BANK1: variants seen among roughly 807,000 people sequenced by gnomAD.
BANK1 encodes B-cell scaffold protein with ankyrin repeats.
A neutral mutation model predicts 94.5 loss-of-function variants in BANK1; 95 were observed. The ratio of observed to expected loss-of-function variants is 1.00; its 90% CI spans 0.85 to 1.19. BANK1 has a LOEUF of 1.19. Ranked by LOEUF, BANK1 falls within the 50% of genes most tolerant of loss-of-function variation. The pLI is 0.00. For synonymous variants in BANK1, 334 were observed against 308.4 expected, an observed-to-expected ratio of 1.08 and a Z score of -0.87; for missense variants, 987 against 932.2, an observed-to-expected ratio of 1.06 and a Z score of -0.77.
At chr4:101,931,538 C>T (rs1723341509) in intron 7 of BANK1, among the ~76,000 whole-genome samples, 1 of 151,480 alleles carries the variant, frequency 6.6e-6, no homozygotes, top group South Asian at 2.1e-4. Context: ...CTCTAGCTTG[C>T]CAGCTGCAGA....
chr4:102,002,136 C>T (rs79719251), intron 7 of BANK1, among the ~76,000 whole-genome samples: 1,866 of 152,320 alleles, frequency 0.012, 43 homozygotes, highest in African/African-American at 0.041. Context: ...TCCTGTAACA[C>T]GACTGCTCCT....
At chr4:101,874,377 C>T (rs1728409667) in intron 5 of BANK1, among the ~76,000 whole-genome samples, 1 of 152,082 alleles carries the variant, frequency 6.6e-6, no homozygotes, top group South Asian at 2.1e-4. Flanking sequence ...CAGTTGTCTC[C>T]CTTAATGAAT....
intron 6 of BANK1, among the ~76,000 whole-genome samples, chr4:101,908,447 A>G (rs1291195152): frequency 6.6e-6 from 1 of 152,236 alleles, no homozygotes; most frequent in Non-Finnish European, 1.5e-5. Flanking sequence ...TAAAACCATA[A>G]AAACCCTAGA....
chr4:101,849,742 C>T (rs556721737), intron 2 of BANK1, among the ~76,000 whole-genome samples: 1 of 152,210 alleles, frequency 6.6e-6, no homozygotes, highest in Non-Finnish European at 1.5e-5. Flanking sequence ...AAAATTAACT[C>T]AAATTGTTAT....
chr4:101,921,821 T>C (rs1229420149), intron 7 of BANK1, among the ~76,000 whole-genome samples: 1 of 151,918 alleles, frequency 6.6e-6, no homozygotes, highest in Non-Finnish European at 1.5e-5. Context: ...TTGTTAATTA[T>C]AAATATTGAT....
At chr4:101,954,353 C>T (rs1288428551) in intron 7 of BANK1, among the ~76,000 whole-genome samples, 1 of 152,124 alleles carries the variant, frequency 6.6e-6, no homozygotes, top group Non-Finnish European at 1.5e-5. Context: ...GGTCAGGAAA[C>T]CTCACTTAGT....
rs557995996 is a variant in BANK1, at chr4:102,034,042, T to C, written c.1900+3777T>C. Among the ~76,000 whole-genome samples, 1,276 of 142,288 alleles carry C rather than the reference T, an allele frequency of 9.0e-3. 15 individuals are homozygous for C. Among genetic ancestry groups the C allele is most frequent in the Middle Eastern group, 0.058 (16 of 276 alleles). 93.3% of individuals were successfully genotyped at this position (142,288 alleles called of 152,430 possible). A position where few individuals can be genotyped will look rare whatever the true frequency, so the allele number is the denominator to read the frequency against. ...TTCCTCACATCTTTCCTTTTTTTTT[T>C]CCCCTAGCTTGGGCAGATCTATTAA... On this transcript the variant is annotated intron_variant, in intron 10 of 16. Coordinates refer to ENST00000322953, the MANE Select transcript of BANK1 (RefSeq NM_017935.5).
chr4:101,921,676 A>G (rs1046156394), intron 7 of BANK1, among the ~76,000 whole-genome samples: 1 of 151,938 alleles, frequency 6.6e-6, no homozygotes, highest in Non-Finnish European at 1.5e-5. Flanking sequence ...TTGGCCAGCT[A>G]TGGAATTGGA....
At chr4:101,833,589 CTT>C (rs1044667275) in intron 2 of BANK1, among the ~76,000 whole-genome samples, 2 of 152,236 alleles carry the variant, frequency 1.3e-5, no homozygotes, top group African/African-American at 4.8e-5. Flanking sequence ...TTTGCCGGCT[CTT>C]TTTTAAAATC....
At chr4:101,846,236 T>C (rs529557783) in intron 2 of BANK1, among the ~76,000 whole-genome samples, 56 of 152,330 alleles carry the variant, frequency 3.7e-4, no homozygotes, top group Non-Finnish European at 7.2e-4. Context: ...CATGGAATAC[T>C]ATGCAGCCAT....
At chr4:102,037,284 C>T (rs568530978) in intron 10 of BANK1, among the ~76,000 whole-genome samples, 44 of 152,284 alleles carry the variant, frequency 2.9e-4, no homozygotes, top group Admixed American at 1.3e-3. Flanking sequence ...AAGAATTATC[C>T]AGTCTAAAGT....
At chr4:101,918,338 T>G (rs942286134) in intron 7 of BANK1, 149 bp downstream of exon 7, 4 of 448,450 alleles carry the variant, frequency 8.9e-6, no homozygotes, top group Non-Finnish European at 1.1e-5. Context: ...CAATAATCGT[T>G]AGGTTGCAGA....
chr4:101,846,014 C>T (rs765401326), intron 2 of BANK1, among the ~76,000 whole-genome samples: 1 of 152,144 alleles, frequency 6.6e-6, no homozygotes, highest in African/African-American at 2.4e-5. Flanking sequence ...ATCCCTCCCC[C>T]CTTCCCCCAC....
intron 2 of BANK1, among the ~76,000 whole-genome samples, chr4:101,841,232 A>G (rs770759548): frequency 6.6e-6 from 1 of 152,220 alleles, no homozygotes; most frequent in African/African-American, 2.4e-5. Context: ...TAAAAGAAGC[A>G]GGAAGAAAAT....
At position 101,895,177 on chromosome 4, in the gene BANK1, A is replaced by T. The variant is rs74596735; in HGVS notation, c.904-128A>T. ...ATGTTTTGATTTATTCTTTCTAAAAAGTTATCAGTATTACTAAAGATTAGC... is the reference window on the plus strand; with the variant it reads ...ATGTTTTGATTTATTCTTTCTAAAATGTTATCAGTATTACTAAAGATTAGC... On this transcript the variant is annotated intron_variant, in intron 5 of 16. Transcript: ENST00000322953. 4,818 of 487,704 alleles carry T rather than the reference A, an allele frequency of 9.9e-3. 201 individuals are homozygous for T. Among genetic ancestry groups the T allele is most frequent in the African/African-American group, 0.09 (4,414 of 48,932 alleles). 30.2% of individuals were successfully genotyped at this position (487,704 alleles called of 1,614,324 possible).
intron 2 of BANK1, 47 bp downstream of exon 2, chr4:101,830,253 T>TA: frequency 7.0e-7 from 1 of 1,422,532 alleles, no homozygotes; most frequent in South Asian, 1.6e-5. Context: ...TGTTTTTTTT[T>TA]TTTTGTAATT....
At chr4:101,932,103 CTG>C (rs1363035041) in intron 7 of BANK1, among the ~76,000 whole-genome samples, 1 of 151,492 alleles carries the variant, frequency 6.6e-6, no homozygotes, top group Non-Finnish European at 1.5e-5. Context: ...GTTCTACTGA[CTG>C]TTAGTAGATG....
At chr4:101,980,536 G>T (rs899109995) in intron 7 of BANK1, among the ~76,000 whole-genome samples, 1 of 151,336 alleles carries the variant, frequency 6.6e-6, no homozygotes, top group African/African-American at 2.4e-5. Context: ...CCCTCCTCCC[G>T]TTGCTCTTCT....
intron 7 of BANK1, among the ~76,000 whole-genome samples, chr4:101,986,445 C>T (rs1443917960): frequency 6.6e-6 from 1 of 152,028 alleles, no homozygotes; most frequent in African/African-American, 2.4e-5. Context: ...CTTCTGGGGT[C>T]AGACAAAATA....
Sources: gnomAD v4.1 joint callset for allele counts (sites outside exome capture counted in the v4.1 genomes callset) on GRCh38, gnomAD v4.1.1 for gene constraint, MANE v1.5 for transcripts, NCBI Gene and HGNC (gene_info 2026-07-23, HGNC 2026-07-21) for gene names.